ST3GAL3: variants seen among roughly 807,000 people sequenced by gnomAD.
The protein encoded by ST3GAL3 is ST3 beta-galactoside alpha-2,3-sialyltransferase 3, also known as CMP-N-acetylneuraminate-beta-1,4-galactoside alpha-2,3-sialyltransferase.
A neutral mutation model predicts 50.1 loss-of-function variants in ST3GAL3; 21 were observed. The observed-to-expected ratio is 0.42, with a 90% CI of 0.30 to 0.60. The LOEUF (loss-of-function observed/expected upper bound fraction) is 0.60. Ranked by LOEUF, ST3GAL3 falls within the 20% of genes least tolerant of loss-of-function variation. The pLI is 0.19. For synonymous variants in ST3GAL3, 183 were observed against 190.0 expected, an observed-to-expected ratio of 0.96 and a Z score of 0.30; for missense variants, 353 against 489.4, an observed-to-expected ratio of 0.72 and a Z score of 2.63.
chr1:43,860,922 C>T (rs2069757532), intron 5 of ST3GAL3, among the ~76,000 whole-genome samples: 1 of 152,240 alleles, frequency 6.6e-6, no homozygotes, highest in Non-Finnish European at 1.5e-5. Flanking sequence ...TCTTACTGTA[C>T]TTAGACTGTC....
At chr1:43,781,673 A>G (rs375796579) in intron 2 of ST3GAL3, among the ~76,000 whole-genome samples, 1 of 152,306 alleles carries the variant, frequency 6.6e-6, no homozygotes, top group East Asian at 1.9e-4. Context: ...AAAAAAACAG[A>G]AGGATATGTG....
At chr1:43,829,785 A>G (rs2063288395) in intron 4 of ST3GAL3, among the ~76,000 whole-genome samples, 1 of 152,110 alleles carries the variant, frequency 6.6e-6, no homozygotes, top group African/African-American at 2.4e-5. Flanking sequence ...TACCTTGTAT[A>G]TAATAGTGGT....
In ST3GAL3 at chr1:43,775,378, C is replaced by T. The variant is rs375873970; in HGVS notation, c.119-16724C>T. Among the ~76,000 whole-genome samples the T allele has an allele frequency of 1.6e-3, 239 of 152,002 alleles. 1 individual carries two copies. Among genetic ancestry groups the T allele is most frequent in the African/African-American group, 5.5e-3 (229 of 41,442 alleles). ...CCTCCAGAATAGCTGGGATTACAGG[C>T]GCCCACCACAATGCCTGGCTAATGT... On this transcript the variant is annotated intron_variant, in intron 2 of 11. Coordinates refer to ENST00000347631, the MANE Select transcript of ST3GAL3 (RefSeq NM_006279.5).
At chr1:43,798,167 C>T (rs962551434) in intron 3 of ST3GAL3, among the ~76,000 whole-genome samples, 20 of 152,142 alleles carry the variant, frequency 1.3e-4, no homozygotes, top group South Asian at 2.1e-4. Context: ...CCTTTCCTGT[C>T]TTCACAATGT....
Position 43,735,545 on chromosome 1 carries a change from C to T in ST3GAL3, c.-30-688C>T, listed in dbSNP as rs529533251. Among the ~76,000 whole-genome samples, 9 of 152,266 alleles carry T rather than the reference C, an allele frequency of 5.9e-5. No homozygotes were observed. In the South Asian group the frequency reaches 8.3e-4, roughly 14 times the overall value. ...CGGGGGCCTTGTCCCTACAGCTGCA[C>T]GAACTGAATTCAGCCAACGGCCTGA... On this transcript the variant is annotated intron_variant, in intron 1 of 11. Coordinates refer to ENST00000347631, the MANE Select transcript of ST3GAL3 (RefSeq NM_006279.5).
chr1:43,734,326 A>G (rs1677381346), intron 1 of ST3GAL3, among the ~76,000 whole-genome samples: 1 of 65,248 alleles, frequency 1.5e-5, no homozygotes, highest in African/African-American at 4.1e-5. Context: ...TTTTTTTGAG[A>G]CAGGGTCTTG....
intron 11 of ST3GAL3, among the ~76,000 whole-genome samples, chr1:43,921,160 C>G (rs565990349): frequency 3.3e-5 from 5 of 152,172 alleles, no homozygotes; most frequent in South Asian, 4.1e-4. Flanking sequence ...CTCCCTCCCC[C>G]TCGCTGCATT....
At chr1:43,908,778 C>G (rs1022949371) in intron 9 of ST3GAL3, among the ~76,000 whole-genome samples, 1 of 152,172 alleles carries the variant, frequency 6.6e-6, no homozygotes, top group Admixed American at 6.5e-5. Context: ...ATTACAGGTG[C>G]CTGCCACCAC....
Position 43,784,366 on chromosome 1 carries a change from G to A in ST3GAL3, c.119-7736G>A, listed in dbSNP as rs149848199. Among the ~76,000 whole-genome samples, 474 of 152,172 alleles carry A rather than the reference G, an allele frequency of 3.1e-3. 2 individuals are homozygous for A. The highest frequency in any genetic ancestry group is 0.01 in the African/African-American group (425 of 41,508). ...TGTACTAAAAATACAAAAATTGGCC[G>A]AGTGTGGTGGCACATGCCTGTAGTC... On this transcript the variant is annotated intron_variant, in intron 2 of 11. Transcript: ENST00000347631.
intron 3 of ST3GAL3, among the ~76,000 whole-genome samples, chr1:43,800,090 T>C (rs187091331): frequency 1.3e-5 from 2 of 152,060 alleles, no homozygotes; most frequent in African/African-American, 2.4e-5. Flanking sequence ...GTATGCCACG[T>C]TGGAGAAGAG....
intron 3 of ST3GAL3, among the ~76,000 whole-genome samples, chr1:43,794,655 G>A (rs952778962): frequency 6.6e-6 from 1 of 152,092 alleles, no homozygotes; most frequent in Non-Finnish European, 1.5e-5. Context: ...GTTCATAATT[G>A]TCAAAAACCA....
chr1:43,760,858 G>A (rs1351698540), intron 2 of ST3GAL3, among the ~76,000 whole-genome samples: 1 of 152,112 alleles, frequency 6.6e-6, no homozygotes, highest in Non-Finnish European at 1.5e-5. Flanking sequence ...AAAATAAAAT[G>A]TGGTATATCC....
chr1:43,797,245 G>A (rs181422100), intron 3 of ST3GAL3, among the ~76,000 whole-genome samples: 7 of 151,696 alleles, frequency 4.6e-5, no homozygotes, highest in Admixed American at 2.0e-4. Context: ...GAAGGTCTTA[G>A]CAAACAAAAA....
At chr1:43,782,406 A>G (rs1015806873) in intron 2 of ST3GAL3, among the ~76,000 whole-genome samples, 1 of 152,162 alleles carries the variant, frequency 6.6e-6, no homozygotes, top group Admixed American at 6.5e-5. Context: ...TGCCGCTAGA[A>G]TGGTTTTCCT....
chr1:43,819,652 T>TG (rs35438123), intron 4 of ST3GAL3, among the ~76,000 whole-genome samples: 59,990 of 151,864 alleles, frequency 0.4, 12,206 homozygotes, highest in East Asian at 0.59. Flanking sequence ...AAATGGATTC[T>TG]GGGGTAAATG....
intron 2 of ST3GAL3, among the ~76,000 whole-genome samples, chr1:43,752,362 C>G (rs990142207): frequency 1.3e-5 from 2 of 152,162 alleles, no homozygotes; most frequent in African/African-American, 4.8e-5. Flanking sequence ...AGAGACAAAG[C>G]TTTAACTAAA....
intron 9 of ST3GAL3, among the ~76,000 whole-genome samples, chr1:43,917,460 ATATATAATATATAAT>A (rs1557532613): frequency 1.4e-4 from 3 of 21,142 alleles, no homozygotes; most frequent in East Asian, 1.4e-3. Flanking sequence ...AATATATAAT[ATATATAATATATAAT>A]ATATATAATA....
chr1:43,752,572 C>T (rs1400368089), intron 2 of ST3GAL3, among the ~76,000 whole-genome samples: 1 of 152,222 alleles, frequency 6.6e-6, no homozygotes, highest in Non-Finnish European at 1.5e-5. Context: ...ACAATCACGG[C>T]TCACTGCAAC....
intron 1 of ST3GAL3, among the ~76,000 whole-genome samples, chr1:43,711,828 AATTAT>A (rs1456856756): frequency 6.6e-6 from 1 of 152,230 alleles, no homozygotes; most frequent in Non-Finnish European, 1.5e-5. Context: ...ATAAAAGTTA[AATTAT>A]ATTCAGGGTA....
Sources: allele counts gnomAD v4.1 joint callset (sites outside exome capture counted in the v4.1 genomes callset), GRCh38; gene constraint gnomAD v4.1.1; transcripts MANE v1.5; gene names NCBI Gene and HGNC (gene_info 2026-07-23, HGNC 2026-07-21).